Variants in PIK3C3 observed in about 807,000 individuals in gnomAD.
PIK3C3 encodes PI3-kinase type 3.
A neutral mutation model predicts 126.1 loss-of-function variants in PIK3C3; 95 were observed. That is an observed-to-expected ratio of 0.75 (90% CI 0.64 to 0.89). PIK3C3 has a LOEUF of 0.89. Among genes scored for constraint, PIK3C3 ranks in the 40% least tolerant of loss-of-function variants. The pLI, the probability that PIK3C3 is intolerant of heterozygous loss-of-function variation, is 0.00. For missense variants in PIK3C3, 829 were observed against 1,063.2 expected, an observed-to-expected ratio of 0.78 and a Z score of 3.06; for synonymous variants, 374 against 360.0, an observed-to-expected ratio of 1.04 and a Z score of -0.44.
intron 16 of PIK3C3, among the ~76,000 whole-genome samples, chr18:42,035,715 G>T (rs908202136): frequency 6.6e-6 from 1 of 152,076 alleles, no homozygotes; most frequent in African/African-American, 2.4e-5. Context: ...GATGGATTAT[G>T]CACTTCAGAA....
At chr18:42,000,571 C>G (rs763178710) in intron 9 of PIK3C3, among the ~76,000 whole-genome samples, 16 of 152,120 alleles carry the variant, frequency 1.1e-4, no homozygotes, top group Non-Finnish European at 2.2e-4. Context: ...TCATACCCCA[C>G]TTTTGGTACC....
At chr18:42,056,730 A>C (rs555676873) in intron 21 of PIK3C3, among the ~76,000 whole-genome samples, 182 of 152,254 alleles carry the variant, frequency 1.2e-3, no homozygotes, top group Non-Finnish European at 1.2e-3. Flanking sequence ...TATTTAGTTG[A>C]AGGTGGTAAA....
intron 13 of PIK3C3, among the ~76,000 whole-genome samples, chr18:42,022,088 T>C (rs1983350096): frequency 6.6e-6 from 1 of 152,226 alleles, no homozygotes; most frequent in South Asian, 2.1e-4. Context: ...CTCTGCTGGG[T>C]ACTGCCCCTG....
At chr18:41,968,117 C>T (rs1980465444) in intron 3 of PIK3C3, among the ~76,000 whole-genome samples, 1 of 152,208 alleles carries the variant, frequency 6.6e-6, no homozygotes, top group African/African-American at 2.4e-5. Flanking sequence ...TAAATCTCTT[C>T]TCTAGATCCA....
chr18:42,022,061 A>C (rs1205688503), intron 13 of PIK3C3, among the ~76,000 whole-genome samples: 1 of 152,040 alleles, frequency 6.6e-6, no homozygotes, highest in East Asian at 1.9e-4. Flanking sequence ...TCATTCTCCC[A>C]CTCTCCAGAG....
Position 42,079,971 on chromosome 18 carries a change from G to T in PIK3C3, c.2650-1152G>T, listed in dbSNP as rs1208747122. Among the ~76,000 whole-genome samples, 8 of 140,900 alleles carry T rather than the reference G, an allele frequency of 5.7e-5. No individual in the cohort carries two copies. The Admixed American group carries it at 5.9e-4, about 10-fold the overall frequency. 92.4% of individuals were successfully genotyped at this position (140,900 alleles called of 152,430 possible). ...AGTGTGTGTGTGTGTGTGTGTGTGTGTGTGTGTGTGTGTATGTAAGAGAGA... is the reference window on the plus strand; with the variant it reads ...AGTGTGTGTGTGTGTGTGTGTGTGTTTGTGTGTGTGTGTATGTAAGAGAGA... On this transcript the variant is annotated intron_variant, in intron 24 of 24. Coordinates refer to ENST00000262039, the MANE Select transcript of PIK3C3 (RefSeq NM_002647.4).
In PIK3C3 at chr18:41,998,257, G is replaced by A. The variant is rs574199006; in HGVS notation, c.984+1527G>A. On this transcript the variant is annotated intron_variant, in intron 9 of 24. Transcript: ENST00000262039. ...TTTGAGTGTAATTCTCTTCATCACT[G>A]AAGAAAAGGAAATATTCACTAACAG... 6.6e-5 allele frequency among the ~76,000 whole-genome samples: 10 copies of A among 152,180 alleles called. No homozygotes were observed. The South Asian group carries it at 2.1e-3, about 32-fold the overall frequency.
At chr18:42,010,973 G>A (rs548408830) in intron 10 of PIK3C3, among the ~76,000 whole-genome samples, 9 of 152,280 alleles carry the variant, frequency 5.9e-5, no homozygotes, top group African/African-American at 1.7e-4. Flanking sequence ...CATCTCCATC[G>A]GAGCTCTTGG....
rs541182891 is a variant in PIK3C3, at chr18:41,969,700, G to T, written c.402-627G>T. 2.0e-5 allele frequency among the ~76,000 whole-genome samples: 3 copies of T among 152,264 alleles called. No homozygotes were observed. The East Asian group carries it at 5.8e-4, about 29-fold the overall frequency. ...AGACTAGTAATAGCTAACATTTATT[G>T]AATACTAACTGTATGCCAGCCACTG... On this transcript the variant is annotated intron_variant, in intron 3 of 24. Transcript: ENST00000262039.
chr18:42,005,647 G>A (rs1383786919), intron 10 of PIK3C3, among the ~76,000 whole-genome samples: 2 of 152,070 alleles, frequency 1.3e-5, no homozygotes, highest in African/African-American at 4.8e-5. Flanking sequence ...AATATATATA[G>A]CAATGTCGAT....
chr18:42,041,215 G>C (rs1392432291), intron 19 of PIK3C3, among the ~76,000 whole-genome samples: 6 of 151,882 alleles, frequency 4.0e-5, no homozygotes, highest in Admixed American at 3.9e-4. Context: ...AAAAAACAGA[G>C]TTAATTGGTG....
chr18:42,014,758 T>G (rs910660241), intron 11 of PIK3C3, among the ~76,000 whole-genome samples: 2 of 152,164 alleles, frequency 1.3e-5, no homozygotes, highest in African/African-American at 4.8e-5. Context: ...CAAGATTGGA[T>G]TTTTGAATTT....
intron 4 of PIK3C3, among the ~76,000 whole-genome samples, chr18:41,984,074 T>C (rs1369861529): frequency 6.6e-6 from 1 of 152,014 alleles, no homozygotes; most frequent in Non-Finnish European, 1.5e-5. Flanking sequence ...TCCTGTTTCT[T>C]GACCTATCCC....
chr18:41,970,530 G>A, intron 4 of PIK3C3, 74 bp downstream of exon 4: 1 of 1,294,882 alleles, frequency 7.7e-7, no homozygotes, highest in Non-Finnish European at 1.1e-6. Flanking sequence ...TTGACATTAT[G>A]AACTCTGTCA....
At chr18:42,034,943 G>T (rs762690577) in intron 16 of PIK3C3, among the ~76,000 whole-genome samples, 4 of 152,180 alleles carry the variant, frequency 2.6e-5, no homozygotes, top group Non-Finnish European at 5.9e-5. Context: ...CAGCTCATAT[G>T]ACTAAAACAT....
chr18:42,050,980 C>T (rs1984776994), intron 21 of PIK3C3: 1 of 152,244 alleles, frequency 6.6e-6, no homozygotes, highest in African/African-American at 2.4e-5. Flanking sequence ...CATATCTGCC[C>T]TCTTCCTCCA....
chr18:41,996,717 C>A lies in PIK3C3; in HGVS notation c.971C>A (p.Thr324Lys). ...DLVWKFRYYL[T>K]NQEKALTKFL... is the part of the protein sequence containing the mutation. ...GTTTGGAAGTTTAGATATTATCTTA[C>A]GAATCAAGAAAAAGTGAGTGTCTTG... Residue 324 changes from threonine (T) to lysine (K), a missense_variant, in exon 9 of 25, where the codon ACG becomes AAG. Around this residue, in one of 4 missense-constraint regions of PIK3C3, gnomAD observed 64 missense variants for 118.7 expected, o/e 0.54. Transcript: ENST00000262039. 2 of 1,531,408 alleles carry A rather than the reference C, an allele frequency of 1.3e-6. No individual in the cohort carries two copies. The highest frequency in any genetic ancestry group is 1.8e-6 in the Non-Finnish European group (2 of 1,122,700). 94.9% of individuals were successfully genotyped at this position (1,531,408 alleles called of 1,614,324 possible).
At chr18:41,956,155 C>G (rs1247473380) in intron 1 of PIK3C3, among the ~76,000 whole-genome samples, 1 of 152,156 alleles carries the variant, frequency 6.6e-6, no homozygotes, top group East Asian at 1.9e-4. Context: ...ATAAACATTT[C>G]TTGTGTATGT....
At chr18:42,060,752 A>G (rs1985279715) in intron 22 of PIK3C3, among the ~76,000 whole-genome samples, 1 of 152,094 alleles carries the variant, frequency 6.6e-6, no homozygotes, top group African/African-American at 2.4e-5. Context: ...ACTCCAACCT[A>G]GACAATAGAG....
Sources: gnomAD v4.1 joint callset for allele counts (sites outside exome capture counted in the v4.1 genomes callset) on GRCh38, gnomAD v4.1.1 for gene constraint, gnomAD v4.1.1 regional missense constraint, MANE v1.5 for transcripts, NCBI Gene and HGNC (gene_info 2026-07-23, HGNC 2026-07-21) for gene names.